EBF2: variants seen among roughly 807,000 people sequenced by gnomAD.
EBF2 encodes the protein EBF transcription factor 2, also known as transcription factor COE2.
In EBF2, 21 loss-of-function variants were observed where a neutral mutation model predicts 72.8. The ratio of observed to expected loss-of-function variants is 0.29; its 90% CI spans 0.20 to 0.42. The LOEUF is 0.42. EBF2 is among the 10% of genes least tolerant of loss of function. The probability of loss-of-function intolerance (pLI) is 1.00; values close to 1 mark genes in which losing one functional copy is unlikely to be tolerated. For synonymous variants in EBF2, 299 were observed against 274.2 expected (o/e 1.09, Z -0.89); for missense variants, 637 against 731.2 (o/e 0.87, Z 1.49).
chr8:25,980,787 C>CAAAAAAA (rs34271943), intron 6 of EBF2, among the ~76,000 whole-genome samples: 2 of 67,134 alleles, frequency 3.0e-5, no homozygotes, highest in Non-Finnish European at 2.6e-5. Flanking sequence ...GAGGCCACCA[C>CAAAAAAA]AAAAAAAAAA....
chr8:25,988,247 C>A (rs1009761442), intron 6 of EBF2, among the ~76,000 whole-genome samples: 1 of 152,138 alleles, frequency 6.6e-6, no homozygotes, highest in African/African-American at 2.4e-5. Flanking sequence ...CCACACTGAG[C>A]CAGAGACAAG....
intron 14 of EBF2, among the ~76,000 whole-genome samples, chr8:25,851,022 C>A (rs185223270): frequency 6.6e-6 from 1 of 152,096 alleles, no homozygotes; most frequent in Non-Finnish European, 1.5e-5. Context: ...GGCACTTGTG[C>A]TTGGGAGAGT....
chr8:25,994,762 G>A (rs1804596918), intron 6 of EBF2, among the ~76,000 whole-genome samples: 1 of 152,084 alleles, frequency 6.6e-6, no homozygotes, highest in Non-Finnish European at 1.5e-5. Flanking sequence ...ACAAATAAGG[G>A]AACAACAGAC....
intron 5 of EBF2, among the ~76,000 whole-genome samples, chr8:26,037,088 G>A (rs1805514813): frequency 6.6e-6 from 1 of 152,058 alleles, no homozygotes; most frequent in Non-Finnish European, 1.5e-5. Context: ...TACTTATTTG[G>A]AGAATCTTTT....
At chr8:25,969,601 T>C (rs1804161464) in intron 6 of EBF2, among the ~76,000 whole-genome samples, 1 of 152,224 alleles carries the variant, frequency 6.6e-6, no homozygotes, top group Non-Finnish European at 1.5e-5. Flanking sequence ...GCGTGTTTAC[T>C]TCACTAGAGC....
At chr8:25,964,175 A>T (rs1804078524) in intron 6 of EBF2, among the ~76,000 whole-genome samples, 1 of 152,156 alleles carries the variant, frequency 6.6e-6, no homozygotes, top group South Asian at 2.1e-4. Context: ...AACCAATTTG[A>T]ATAAGAATAT....
chr8:25,998,203 A>G (rs1804667567), intron 6 of EBF2, among the ~76,000 whole-genome samples: 1 of 152,172 alleles, frequency 6.6e-6, no homozygotes, highest in Non-Finnish European at 1.5e-5. Flanking sequence ...GGCAAGACAT[A>G]ATTCTACAAG....
At chr8:25,969,396 G>A (rs935479168) in intron 6 of EBF2, among the ~76,000 whole-genome samples, 6 of 152,186 alleles carry the variant, frequency 3.9e-5, no homozygotes, top group African/African-American at 1.2e-4. Flanking sequence ...GAAGATAATC[G>A]AGACTCTTGT....
At chr8:25,873,741 A>G (rs565858298) in intron 10 of EBF2, among the ~76,000 whole-genome samples, 3 of 152,346 alleles carry the variant, frequency 2.0e-5, no homozygotes, top group African/African-American at 7.2e-5. Context: ...AATAATATAC[A>G]TGGTTAAGGA....
intron 6 of EBF2, among the ~76,000 whole-genome samples, chr8:25,943,485 G>A (rs2117160042): frequency 6.6e-6 from 1 of 152,072 alleles, no homozygotes; most frequent in South Asian, 2.1e-4. Flanking sequence ...ACTCCAGTCT[G>A]GACAACAGAG....
chr8:25,929,899 A>T (rs1389839639), intron 6 of EBF2, among the ~76,000 whole-genome samples: 1 of 152,190 alleles, frequency 6.6e-6, no homozygotes. Flanking sequence ...GGGAAAAAGT[A>T]AGGGGGAGAC....
chr8:26,044,304 G>A lies in EBF2; in HGVS notation c.131+425C>T, dbSNP rs1279716429. ...AGCAAGATGCGGGAGGTAGGCGCTC[G>A]CAGGCGGCGTGGCGAAGCCAAGAGT... is the stretch of plus-strand genomic sequence containing the variant. On this transcript the variant is annotated intron_variant, in intron 1 of 15. Coordinates refer to ENST00000520164, the MANE Select transcript of EBF2 (RefSeq NM_022659.4). The surrounding 1 kb of genome is among the most constrained non-coding windows in gnomAD (Gnocchi z 4.1). Among the ~76,000 whole-genome samples the A allele has an allele frequency of 6.6e-6, 1 of 152,190 alleles. No individual in the cohort carries two copies. The highest frequency in any genetic ancestry group is 1.5e-5 in the Non-Finnish European group (1 of 68,036).
chr8:25,893,390 G>A (rs1223240947), intron 7 of EBF2, among the ~76,000 whole-genome samples: 2 of 149,182 alleles, frequency 1.3e-5, no homozygotes, highest in Non-Finnish European at 3.0e-5. Context: ...AGGTTCAAGC[G>A]ATTCTCCTGC....
At chr8:25,893,056 C>T (rs1032526646) in intron 7 of EBF2, among the ~76,000 whole-genome samples, 65 of 152,012 alleles carry the variant, frequency 4.3e-4, no homozygotes, top group African/African-American at 1.5e-3. Context: ...ATGTTACAGT[C>T]GAAGGGAGAG....
In EBF2 at chr8:25,850,857, G is replaced by A. The variant is rs779399215; in HGVS notation, c.1529-96C>T. ...TTATTGAGAAATTGTTAATTTCCAT[G>A]CATTGTTCCAGATTGCAGGGATTAA... is the stretch of plus-strand genomic sequence containing the variant. On this transcript the variant is annotated intron_variant, in intron 14 of 15. Transcript: ENST00000520164. 2.0e-4 allele frequency: 273 copies of A among 1,381,092 alleles called. 1 individual carries two copies. The highest frequency in any genetic ancestry group is 2.6e-4 in the Non-Finnish European group (269 of 1,035,860). The allele number at this position is 1,381,092 out of a possible 1,614,324, so 85.6% of individuals were successfully genotyped here.
chr8:25,875,823 T>G (rs2117278042), intron 10 of EBF2, among the ~76,000 whole-genome samples: 1 of 152,308 alleles, frequency 6.6e-6, no homozygotes, highest in South Asian at 2.1e-4. Context: ...ATTCCCTAAA[T>G]TAGTTCAACC....
At chr8:25,863,073 C>G (rs911924749) in intron 10 of EBF2, among the ~76,000 whole-genome samples, 2 of 151,848 alleles carry the variant, frequency 1.3e-5, no homozygotes, top group African/African-American at 4.8e-5. Flanking sequence ...AAAAATTAAG[C>G]AACCATATCT....
In EBF2 at chr8:25,984,936, G is replaced by GA. The variant is rs35911115; in HGVS notation, c.551+48148dup. 8.6e-3 allele frequency among the ~76,000 whole-genome samples: 1,233 copies of GA among 144,114 alleles called. 14 individuals are homozygous for GA. The highest frequency in any genetic ancestry group is 0.084 in the East Asian group (403 of 4,774). The allele number at this position is 144,114 out of a possible 152,430, so 94.5% of individuals were successfully genotyped here. ...AAACTTCTTTAAAAACTCAGCTTCT[G>GA]AAAAAAAAAAAAAAAATTATGGCTC... On this transcript the variant is annotated intron_variant, in intron 6 of 15. Coordinates refer to ENST00000520164, the MANE Select transcript of EBF2 (RefSeq NM_022659.4).
intron 14 of EBF2, among the ~76,000 whole-genome samples, chr8:25,855,583 T>A (rs1049200643): frequency 6.6e-5 from 10 of 151,964 alleles, no homozygotes; most frequent in African/African-American, 1.5e-4. Flanking sequence ...AGATGCATTT[T>A]AAAAAAAATC....
Sources: gnomAD v4.1 joint callset for allele counts (sites outside exome capture counted in the v4.1 genomes callset) on GRCh38, gnomAD v4.1.1 for gene constraint, Gnocchi (gnomAD v3.1) non-coding constraint, MANE v1.5 for transcripts, NCBI Gene and HGNC (gene_info 2026-07-23, HGNC 2026-07-21) for gene names.